Variants in RBPMS observed in about 807,000 individuals in gnomAD.
RBPMS encodes the protein RNA-binding protein with multiple splicing.
RBPMS carries 7 observed loss-of-function variants against 26.8 expected under a neutral mutation model. That is an observed-to-expected ratio of 0.26 (90% CI 0.15 to 0.49). The LOEUF is 0.49. Among genes scored for constraint, RBPMS ranks in the 20% least tolerant of loss-of-function variants. The pLI is 0.98. For synonymous variants in RBPMS, 96 were observed against 93.3 expected (o/e 1.03, Z -0.17); for missense variants, 186 against 250.0 (o/e 0.74, Z 1.73).
chr8:30,488,569 C>CTAA (rs1248830639), intron 4 of RBPMS, among the ~76,000 whole-genome samples: 6 of 152,126 alleles, frequency 3.9e-5, no homozygotes, highest in Non-Finnish European at 8.8e-5. Flanking sequence ...GGAGGAAAGG[C>CTAA]TTTTAGGCTT....
chr8:30,513,547 C>T (rs915151894), intron 5 of RBPMS, among the ~76,000 whole-genome samples: 8 of 140,704 alleles, frequency 5.7e-5, no homozygotes, highest in Admixed American at 4.5e-4. Flanking sequence ...GAGATTTCAC[C>T]ACTGCACTCC....
At chr8:30,388,390 G>A (rs569411749) in intron 1 of RBPMS, among the ~76,000 whole-genome samples, 8 of 150,520 alleles carry the variant, frequency 5.3e-5, no homozygotes, top group African/African-American at 1.7e-4. Flanking sequence ...GACCTTTTCT[G>A]TCTTATAGCT....
At chr8:30,500,056 TG>T (rs1820389545) in intron 4 of RBPMS, among the ~76,000 whole-genome samples, 1 of 152,226 alleles carries the variant, frequency 6.6e-6, no homozygotes, top group Non-Finnish European at 1.5e-5. Flanking sequence ...CATAGCTGGT[TG>T]AATGCTGTGT....
chr8:30,569,336 A>T (rs977353165), intron 8 of RBPMS, among the ~76,000 whole-genome samples: 3 of 152,208 alleles, frequency 2.0e-5, no homozygotes, highest in African/African-American at 7.2e-5. Flanking sequence ...AGGTCTCAGG[A>T]AAATAATGCA....
chr8:30,536,161 CTT>C (rs1165668410), intron 5 of RBPMS, among the ~76,000 whole-genome samples: 1 of 142,802 alleles, frequency 7.0e-6, no homozygotes, highest in Non-Finnish European at 1.5e-5. Context: ...GAGTTTCACT[CTT>C]GTTGCCCAGG....
At chr8:30,393,524 CT>C (rs547914626) in intron 1 of RBPMS, among the ~76,000 whole-genome samples, 97 of 145,674 alleles carry the variant, frequency 6.7e-4, no homozygotes, top group Middle Eastern at 3.6e-3. Flanking sequence ...TTTTCATTTT[CT>C]TTTTTTTTTT....
At chr8:30,393,906 TAAAAAG>T (rs1346212908) in intron 1 of RBPMS, among the ~76,000 whole-genome samples, 2 of 136,168 alleles carry the variant, frequency 1.5e-5, no homozygotes, top group East Asian at 4.3e-4. Context: ...TCCAGGAACT[TAAAAAG>T]AAAACAACTT....
intron 2 of RBPMS, 122 bp from the exon 3 acceptor site, chr8:30,477,677 C>A: frequency 1.5e-6 from 1 of 671,504 alleles, no homozygotes; most frequent in South Asian, 1.9e-5. Context: ...TTTGCTTTCC[C>A]AGATAACTTA....
Position 30,431,343 on chromosome 8 carries a change from CTTTT to C in RBPMS, c.67-43430_67-43427del, listed in dbSNP as rs576852304. ...TCTTTCTTTCTCCTTTCTTTCTTTT[CTTTT>C]TTTTTCTTTCTCTTTCTTTCTTTCT... On this transcript the variant is annotated intron_variant, in intron 1 of 8. Transcript: ENST00000397323. Among the ~76,000 whole-genome samples the C allele has an allele frequency of 3.3e-5, 4 of 122,484 alleles. No homozygotes were observed. In the East Asian group the frequency reaches 7.6e-4, roughly 23 times the overall value. The allele number at this position is 122,484 out of a possible 152,430, so 80.4% of individuals were successfully genotyped here.
At chr8:30,430,219 AATGGATGGATGG>A (rs147429445) in intron 1 of RBPMS, among the ~76,000 whole-genome samples, 2 of 151,420 alleles carry the variant, frequency 1.3e-5, no homozygotes, top group Non-Finnish European at 2.9e-5. Context: ...CCCTGTCTTA[AATGGATGGATGG>A]ATGGATGGAT....
intron 5 of RBPMS, among the ~76,000 whole-genome samples, chr8:30,512,195 C>T (rs916832280): frequency 3.9e-5 from 6 of 152,068 alleles, no homozygotes; most frequent in Admixed American, 2.0e-4. Context: ...ACATACCATA[C>T]CACCTTGCCT....
intron 5 of RBPMS, among the ~76,000 whole-genome samples, chr8:30,523,329 A>G (rs951350247): frequency 6.6e-6 from 1 of 151,310 alleles, no homozygotes; most frequent in African/African-American, 2.4e-5. Flanking sequence ...GTGAGCTGAG[A>G]TCGTACCACT....
At position 30,566,378 on chromosome 8, in the gene RBPMS, C is replaced by T; in HGVS notation, c.*111+18C>T. ...GCATGCTGGTGAGTAACAGTCAGGG[C>T]TGAACAAGCCCTCAGGGGCGGCATG... On this transcript the variant is annotated intron_variant, in intron 8 of 8. Coordinates refer to ENST00000397323, the MANE Select transcript of RBPMS (RefSeq NM_001008710.3). 1 of 834,690 alleles carries T rather than the reference C, an allele frequency of 1.2e-6. No homozygotes were observed. Among genetic ancestry groups the T allele is most frequent in the Non-Finnish European group, 1.4e-6 (1 of 692,004 alleles). The allele number at this position is 834,690 out of a possible 1,614,324, so 51.7% of individuals were successfully genotyped here. A position where few individuals can be genotyped will look rare whatever the true frequency, so the allele number is the denominator to read the frequency against.
chr8:30,426,663 T>C (rs1563307998), intron 1 of RBPMS, among the ~76,000 whole-genome samples: 1 of 151,976 alleles, frequency 6.6e-6, no homozygotes, highest in Non-Finnish European at 1.5e-5. Context: ...CTTTCTCACT[T>C]TGCTTGCAGT....
At chr8:30,489,377 A>G (rs1482770683) in intron 4 of RBPMS, among the ~76,000 whole-genome samples, 1 of 152,122 alleles carries the variant, frequency 6.6e-6, no homozygotes, top group African/African-American at 2.4e-5. Flanking sequence ...ACTGGCATTC[A>G]GTAATGGTAA....
In RBPMS at chr8:30,499,580, A is replaced by T. The variant is rs558595612; in HGVS notation, c.247-4706A>T. On this transcript the variant is annotated intron_variant, in intron 4 of 8. Transcript: ENST00000397323. The stretch of plus-strand genomic sequence containing the variant: ...TCCATCTCTGATCTTCCTGCCAAAA[A>T]ATGCGTAACCTGAATCTAAACCAAA... Among the ~76,000 whole-genome samples the T allele has an allele frequency of 1.1e-3, 175 of 152,230 alleles. 1 individual carries two copies. Among genetic ancestry groups the T allele is most frequent in the African/African-American group, 4.1e-3 (171 of 41,552 alleles).
chr8:30,479,229 A>G (rs1818023415), intron 3 of RBPMS, 86 bp from the exon 4 acceptor site: 71 of 945,100 alleles, frequency 7.5e-5, no homozygotes, highest in South Asian at 6.1e-4. Flanking sequence ...TCTTTATCTT[A>G]GCTCTTCAGT....
chr8:30,476,307 T>C (rs577565103), intron 2 of RBPMS, among the ~76,000 whole-genome samples: 3 of 152,346 alleles, frequency 2.0e-5, no homozygotes, highest in East Asian at 3.9e-4. Context: ...TTCTGAACTA[T>C]TATGTTATAC....
intron 1 of RBPMS, among the ~76,000 whole-genome samples, chr8:30,436,605 A>G (rs1199179465): frequency 2.0e-5 from 3 of 152,174 alleles, no homozygotes; most frequent in African/African-American, 7.2e-5. Flanking sequence ...GGGGAGGACT[A>G]TCACTTTCCT....
Sources: allele counts gnomAD v4.1 joint callset (sites outside exome capture counted in the v4.1 genomes callset), GRCh38; gene constraint gnomAD v4.1.1; transcripts MANE v1.5; gene names NCBI Gene and HGNC (gene_info 2026-07-23, HGNC 2026-07-21).